The following AZIN2 variants were observed in gnomAD, a reference collection of about 807,000 sequenced individuals.
AZIN2 encodes antizyme inhibitor 2, also known as ODC antizyme inhibitor-2.
AZIN2 carries 28 observed loss-of-function variants against 47.8 expected under a neutral mutation model. That is an observed-to-expected ratio of 0.59 (90% CI 0.43 to 0.80). The LOEUF (loss-of-function observed/expected upper bound fraction) is 0.80. Among genes scored for constraint, AZIN2 ranks in the 30% least tolerant of loss-of-function variants. The pLI is 0.00. For synonymous variants in AZIN2, 221 were observed against 239.4 expected, an observed-to-expected ratio of 0.92 and a Z score of 0.71; for missense variants, 535 against 582.5, an observed-to-expected ratio of 0.92 and a Z score of 0.84.
the AZIN2 span, among the ~76,000 whole-genome samples, chr1:33,130,061 G>T: frequency 6.6e-6 from 1 of 152,120 alleles, no homozygotes; most frequent in Admixed American, 6.5e-5. Flanking sequence ...GTTTCACCAT[G>T]TTGGTCAGGC....
chr1:33,152,889 G>C, the AZIN2 span, among the ~76,000 whole-genome samples: 1 of 152,164 alleles, frequency 6.6e-6, no homozygotes, highest in Non-Finnish European at 1.5e-5. Context: ...CAGGAGCAAG[G>C]CAGGCTGCTC....
chr1:33,083,867 G>A, intron 4 of AZIN2, 87 bp from the exon 5 acceptor site: 2 of 1,523,952 alleles, frequency 1.3e-6, no homozygotes, highest in South Asian at 1.1e-5. Flanking sequence ...TACTGAACCT[G>A]GGTCAGGTAC....
intron 10 of AZIN2, among the ~76,000 whole-genome samples, chr1:33,105,148 A>G (rs12058060): frequency 0.015 from 2,315 of 152,292 alleles, 62 homozygotes; most frequent in African/African-American, 0.053. Context: ...GGGTGGGGAG[A>G]GAGAACTAAG....
chr1:33,121,570 C>G lies in AZIN2; in HGVS notation c.*1388C>G, dbSNP rs1644796359. Among the ~76,000 whole-genome samples, 1 of 152,090 alleles carries G rather than the reference C, an allele frequency of 6.6e-6. No homozygotes were observed. Among genetic ancestry groups the G allele is most frequent in the Non-Finnish European group, 1.5e-5 (1 of 68,018 alleles). On this transcript the variant is annotated 3_prime_UTR_variant, in exon 12 of 12. Transcript: ENST00000294517. The stretch of plus-strand genomic sequence containing the variant: ...TCCAGCCTGGGCGACTGAGCGAGAC[C>G]CTGCCTCAAATAAAGAAATAAATAA...
At chr1:33,162,514 G>A in the AZIN2 span, among the ~76,000 whole-genome samples, 5 of 152,176 alleles carry the variant, frequency 3.3e-5, no homozygotes, top group East Asian at 1.9e-4. Context: ...CATCTCCCTC[G>A]GCTCTGCACC....
intron 5 of AZIN2, among the ~76,000 whole-genome samples, chr1:33,089,441 A>T (rs1642284731): frequency 6.6e-6 from 1 of 152,102 alleles, no homozygotes; most frequent in African/African-American, 2.4e-5. Context: ...CTAATTAAAA[A>T]ATATATATAT....
the AZIN2 span, among the ~76,000 whole-genome samples, chr1:33,139,884 C>T: frequency 1.1e-4 from 17 of 152,258 alleles, no homozygotes; most frequent in Middle Eastern, 3.4e-3. Context: ...TCTATCCTCC[C>T]CATAATCTTT....
At chr1:33,115,010 A>G (rs1644473764) in intron 10 of AZIN2, among the ~76,000 whole-genome samples, 2 of 152,230 alleles carry the variant, frequency 1.3e-5, no homozygotes, top group South Asian at 2.1e-4. Flanking sequence ...ACCTTTTTCA[A>G]TGTTTGACCT....
rs1472412322 is a variant in AZIN2, at chr1:33,113,118, A to G, written c.1030-4784A>G. ...CTCAGCCTCCCAAATACCTGGGACT[A>G]CAGGCGCCCGCCACCATGCCTGGAG... On this transcript the variant is annotated intron_variant, in intron 10 of 11. Coordinates refer to ENST00000294517, the MANE Select transcript of AZIN2 (RefSeq NM_052998.4). This position sits in a 1 kb window ranked among gnomAD's most constrained non-coding sequence, Gnocchi z 4.1. Among the ~76,000 whole-genome samples the G allele has an allele frequency of 6.6e-6, 1 of 152,112 alleles. No individual in the cohort carries two copies. The highest frequency in any genetic ancestry group is 1.5e-5 in the Non-Finnish European group (1 of 68,032).
chr1:33,099,631 C>T (rs1643501089), intron 10 of AZIN2, among the ~76,000 whole-genome samples: 1 of 152,200 alleles, frequency 6.6e-6, no homozygotes, highest in Non-Finnish European at 1.5e-5. Flanking sequence ...CTGCCACGCC[C>T]CCCACCGGGA....
chr1:33,118,264 C>G (rs1644656203), intron 11 of AZIN2, 148 bp downstream of exon 11: 4 of 864,464 alleles, frequency 4.6e-6, no homozygotes, highest in Non-Finnish European at 6.7e-6. Context: ...TGCTTGGCAC[C>G]TGGCTGTGGC....
At chr1:33,100,837 A>G (rs1053929412) in intron 10 of AZIN2, among the ~76,000 whole-genome samples, 4 of 151,802 alleles carry the variant, frequency 2.6e-5, no homozygotes, top group African/African-American at 7.3e-5. Flanking sequence ...GAAGGTCTGC[A>G]TGGTGCATTT....
chr1:33,135,244 C>T, the AZIN2 span, among the ~76,000 whole-genome samples: 6 of 152,150 alleles, frequency 3.9e-5, no homozygotes, highest in Non-Finnish European at 8.8e-5. Flanking sequence ...GCTGAGATGG[C>T]GCCACTGCAC....
intron 10 of AZIN2, among the ~76,000 whole-genome samples, chr1:33,098,636 T>C (rs947912958): frequency 4.6e-5 from 7 of 152,190 alleles, no homozygotes; most frequent in African/African-American, 1.7e-4. Context: ...CAGGAATACA[T>C]AAAACATTCC....
At chr1:33,094,458 A>G in intron 7 of AZIN2, 90 bp from the exon 8 acceptor site, 1 of 1,353,718 alleles carries the variant, frequency 7.4e-7, no homozygotes. Flanking sequence ...ACAGTGTCTC[A>G]TGTGCCTGCC....
Position 33,082,306 on chromosome 1 carries a change from C to A in AZIN2, c.57C>A (p.Thr19=). 1 of 1,614,076 alleles carries A rather than the reference C, an allele frequency of 6.2e-7. No individual in the cohort carries two copies. Among genetic ancestry groups the A allele is most frequent in the African/African-American group, 1.3e-5 (1 of 75,022 alleles). Reference sequence around the variant, plus strand: ...TGATGGTGGAGGAGGGCTTCAGTACCCGAGACCTGCTGAAGGAACTCACTC... The same window carrying A: ...TGATGGTGGAGGAGGGCTTCAGTACACGAGACCTGCTGAAGGAACTCACTC... ...DFVMVEEGFS[T]RDLLKELTLG... The change falls in exon 4 of 12, where the codon ACC becomes ACA. Residue 19 remains threonine (T), a synonymous_variant. Transcript: ENST00000294517.
At chr1:33,129,069 G>C in the AZIN2 span, among the ~76,000 whole-genome samples, 1 of 152,170 alleles carries the variant, frequency 6.6e-6, no homozygotes, top group African/African-American at 2.4e-5. This position sits in a 1 kb window ranked among gnomAD's most constrained non-coding sequence, Gnocchi z 4.1. Context: ...GAGCATTCCA[G>C]ACCAGGGCAC....
chr1:33,111,664 G>A (rs917612664), intron 10 of AZIN2, among the ~76,000 whole-genome samples: 2 of 151,216 alleles, frequency 1.3e-5, no homozygotes, highest in African/African-American at 2.4e-5. Context: ...CTGGAGTGCA[G>A]TGGCTCGGCT....
At chr1:33,130,702 G>C in the AZIN2 span, among the ~76,000 whole-genome samples, 3 of 152,152 alleles carry the variant, frequency 2.0e-5, no homozygotes, top group African/African-American at 7.2e-5. Flanking sequence ...GTGGTTTTAA[G>C]TTTTACCTAA....
Sources: gnomAD v4.1 joint callset for allele counts (sites outside exome capture counted in the v4.1 genomes callset) on GRCh38, gnomAD v4.1.1 for gene constraint, Gnocchi (gnomAD v3.1) non-coding constraint, MANE v1.5 for transcripts, NCBI Gene and HGNC (gene_info 2026-07-23, HGNC 2026-07-21) for gene names.